The following CACNA2D1 variants were observed in gnomAD, a reference collection of about 807,000 sequenced individuals.
The protein encoded by CACNA2D1 is calcium voltage-gated channel auxiliary subunit alpha2delta 1, also known as voltage-dependent calcium channel subunit alpha-2/delta-1.
CACNA2D1 carries 53 observed loss-of-function variants against 171.5 expected under a neutral mutation model. The observed-to-expected ratio is 0.31, with a 90% CI of 0.25 to 0.39. The LOEUF (loss-of-function observed/expected upper bound fraction) is 0.39. Among genes scored for constraint, CACNA2D1 ranks in the 10% least tolerant of loss-of-function variants. The pLI is 1.00. For missense variants in CACNA2D1, 903 were observed against 1,299.8 expected (o/e 0.69, Z 4.69); for synonymous variants, 442 against 443.1 (o/e 1.00, Z 0.03).
chr7:81,995,308 C>T (rs1797929712), intron 19 of CACNA2D1, among the ~76,000 whole-genome samples: 1 of 152,070 alleles, frequency 6.6e-6, no homozygotes, highest in Non-Finnish European at 1.5e-5. Context: ...CGGAATGCTT[C>T]AAATTTCTGC....
At chr7:82,167,424 CCACCT>C (rs1795568238) in intron 4 of CACNA2D1, among the ~76,000 whole-genome samples, 1 of 151,902 alleles carries the variant, frequency 6.6e-6, no homozygotes, top group South Asian at 2.1e-4. Context: ...CACTAAAGCA[CCACCT>C]AGTTTATTAG....
chr7:81,989,011 G>A (rs540335554), intron 21 of CACNA2D1, among the ~76,000 whole-genome samples: 3 of 152,276 alleles, frequency 2.0e-5, no homozygotes, highest in East Asian at 1.9e-4. Context: ...AAATAGGATC[G>A]TTGGAGAAGG....
intron 1 of CACNA2D1, among the ~76,000 whole-genome samples, chr7:82,379,817 GTGTACTAT>G (rs752102620): frequency 5.9e-5 from 9 of 152,096 alleles, no homozygotes; most frequent in Non-Finnish European, 1.3e-4. Context: ...ATTATCTCAT[GTGTACTAT>G]TGTCCTCTCT....
intron 35 of CACNA2D1, 152 bp from the exon 36 acceptor site, chr7:81,962,175 G>C (rs1584192433): frequency 1.4e-6 from 1 of 706,526 alleles, no homozygotes; most frequent in East Asian, 2.6e-5. Flanking sequence ...GTAATATCGT[G>C]GCAGCCCGTA....
At chr7:81,961,413 G>T (rs965900134) in intron 36 of CACNA2D1, among the ~76,000 whole-genome samples, 2 of 151,718 alleles carry the variant, frequency 1.3e-5, no homozygotes, top group Non-Finnish European at 2.9e-5. Flanking sequence ...CTTCAAGTCA[G>T]AGAAGACTAG....
chr7:82,376,869 A>C (rs1315413383), intron 1 of CACNA2D1, among the ~76,000 whole-genome samples: 1 of 152,248 alleles, frequency 6.6e-6, no homozygotes, highest in Non-Finnish European at 1.5e-5. Flanking sequence ...ACACTACTTT[A>C]GAATAAAATG....
intron 4 of CACNA2D1, among the ~76,000 whole-genome samples, chr7:82,152,274 C>CA (rs1793945045): frequency 7.3e-6 from 1 of 137,640 alleles, no homozygotes; most frequent in Non-Finnish European, 1.5e-5. Flanking sequence ...CCCCACCCCC[C>CA]AAAAATAAAT....
At chr7:82,103,538 A>G (rs1174848374) in intron 6 of CACNA2D1, among the ~76,000 whole-genome samples, 2 of 152,158 alleles carry the variant, frequency 1.3e-5, no homozygotes, top group African/African-American at 2.4e-5. Flanking sequence ...CCGAAGTACT[A>G]TAATACTCAA....
chr7:82,402,876 C>A (rs750374886), intron 1 of CACNA2D1, among the ~76,000 whole-genome samples: 1 of 151,456 alleles, frequency 6.6e-6, no homozygotes, highest in Non-Finnish European at 1.5e-5. Flanking sequence ...GAGAACAGAT[C>A]ATTGGGGTTG....
At chr7:82,379,424 T>A (rs1823432222) in intron 1 of CACNA2D1, among the ~76,000 whole-genome samples, 1 of 152,238 alleles carries the variant, frequency 6.6e-6, no homozygotes, top group African/African-American at 2.4e-5. Flanking sequence ...ATTTGAGAAA[T>A]ATTTTAACAA....
chr7:82,184,192 A>C (rs1158136968), intron 3 of CACNA2D1, among the ~76,000 whole-genome samples: 2 of 130,252 alleles, frequency 1.5e-5, no homozygotes, highest in African/African-American at 5.9e-5. Context: ...TTTTTTGTTA[A>C]TACATGGAGG....
At chr7:82,443,252 G>T in intron 1 of CACNA2D1, 113 bp downstream of exon 1, 1 of 1,044,100 alleles carries the variant, frequency 9.6e-7, no homozygotes, top group Non-Finnish European at 1.3e-6. Flanking sequence ...CTCCCCGGCC[G>T]CTCGCTCCCC....
At chr7:82,009,712 A>G (rs1444537779) in intron 15 of CACNA2D1, among the ~76,000 whole-genome samples, 1 of 152,102 alleles carries the variant, frequency 6.6e-6, no homozygotes, top group Non-Finnish European at 1.5e-5. Context: ...AAAGATAATT[A>G]TGAATGAACT....
At chr7:82,002,042 A>AAAAGAGAG (rs1345439249) in intron 18 of CACNA2D1, among the ~76,000 whole-genome samples, 2 of 140,930 alleles carry the variant, frequency 1.4e-5, no homozygotes, top group African/African-American at 5.4e-5. Flanking sequence ...AAAAAAAAAA[A>AAAAGAGAG]AGAGAGAGAG....
At chr7:82,282,472 T>C (rs937632707) in intron 3 of CACNA2D1, among the ~76,000 whole-genome samples, 34 of 152,158 alleles carry the variant, frequency 2.2e-4, no homozygotes, top group African/African-American at 7.7e-4. Flanking sequence ...TCCTGATCCA[T>C]GGGTTGACCC....
At chr7:82,149,796 A>AG (rs1554432058) in intron 4 of CACNA2D1, among the ~76,000 whole-genome samples, 228 of 136,746 alleles carry the variant, frequency 1.7e-3, no homozygotes, top group African/African-American at 5.7e-3. Flanking sequence ...ACAAACAACA[A>AG]AAAAAAAAAC....
intron 3 of CACNA2D1, among the ~76,000 whole-genome samples, chr7:82,294,562 A>C (rs1812038588): frequency 6.6e-6 from 1 of 152,152 alleles, no homozygotes; most frequent in Admixed American, 6.5e-5. Context: ...AGATTGACTA[A>C]TGGTTAATGA....
chr7:82,178,697 C>T (rs1796805967), intron 3 of CACNA2D1, among the ~76,000 whole-genome samples: 1 of 152,078 alleles, frequency 6.6e-6, no homozygotes, highest in African/African-American at 2.4e-5. Context: ...TTTTAAGAAG[C>T]ACTGTTCTAA....
chr7:82,310,484 T>C (rs552708055), intron 3 of CACNA2D1, among the ~76,000 whole-genome samples: 4 of 152,150 alleles, frequency 2.6e-5, no homozygotes, highest in African/African-American at 4.8e-5. Flanking sequence ...GTTAAATGGA[T>C]AAAGTTAAAT....
Sources: gnomAD v4.1 joint callset for allele counts (sites outside exome capture counted in the v4.1 genomes callset) on GRCh38, gnomAD v4.1.1 for gene constraint, MANE v1.5 for transcripts, NCBI Gene and HGNC (gene_info 2026-07-23, HGNC 2026-07-21) for gene names.